The following UBE2D3 variants were observed in gnomAD, a reference collection of about 807,000 sequenced individuals.
The protein encoded by UBE2D3 is ubiquitin conjugating enzyme E2 D3, also known as ubiquitin-conjugating enzyme E2 D3.
UBE2D3 carries 2 observed loss-of-function variants against 22.8 expected under a neutral mutation model. That is an observed-to-expected ratio of 0.09 (90% CI 0.04 to 0.28). UBE2D3 has a LOEUF of 0.28. Among genes scored for constraint, UBE2D3 ranks in the 10% least tolerant of loss-of-function variants. The pLI is 1.00. For synonymous variants in UBE2D3, 56 were observed against 60.4 expected (o/e 0.93, Z 0.34); for missense variants, 27 against 182.5 (o/e 0.15, Z 4.91).
intron 1 of UBE2D3, among the ~76,000 whole-genome samples, chr4:102,839,968 G>A (rs568304279): frequency 6.6e-6 from 1 of 152,136 alleles, no homozygotes; most frequent in Non-Finnish European, 1.5e-5. Context: ...GTGGTCAAGC[G>A]ATGTGAATAG....
chr4:102,843,614 A>C (rs1384966856), intron 1 of UBE2D3: 1 of 152,208 alleles, frequency 6.6e-6, no homozygotes, highest in Admixed American at 6.5e-5. Flanking sequence ...AAGAGAAAAA[A>C]GTATGGATGT....
At chr4:102,848,596 G>A (rs1014639364) in intron 1 of UBE2D3, among the ~76,000 whole-genome samples, 2 of 151,396 alleles carry the variant, frequency 1.3e-5, no homozygotes, top group Admixed American at 1.3e-4. Context: ...AGTGAGCCGA[G>A]ATCACACCAT....
intron 7 of UBE2D3, 47 bp from the exon 8 acceptor site, chr4:102,797,507 A>C (rs904537298): frequency 6.9e-7 from 1 of 1,443,116 alleles, no homozygotes; most frequent in Non-Finnish European, 9.6e-7. Flanking sequence ...AAGAATTCCT[A>C]ATACTTTAAA....
chr4:102,851,503 T>C (rs1732346770), intron 1 of UBE2D3, among the ~76,000 whole-genome samples: 1 of 152,206 alleles, frequency 6.6e-6, no homozygotes, highest in Non-Finnish European at 1.5e-5. Flanking sequence ...TTGGAATGCA[T>C]GTGTAATGCA....
chr4:102,813,822 A>G (rs1334268911), intron 2 of UBE2D3, among the ~76,000 whole-genome samples: 2 of 152,024 alleles, frequency 1.3e-5, no homozygotes, highest in Non-Finnish European at 2.9e-5. Context: ...AGAGGCAAAT[A>G]TTTGCCTCTT....
intron 1 of UBE2D3, among the ~76,000 whole-genome samples, chr4:102,850,727 T>G (rs1334730148): frequency 2.0e-5 from 3 of 152,196 alleles, no homozygotes; most frequent in African/African-American, 7.2e-5. Flanking sequence ...ATATAGCTTT[T>G]ATACCACGGA....
At chr4:102,798,924 T>C in intron 7 of UBE2D3, 1 of 1,611,760 alleles carries the variant, frequency 6.2e-7, no homozygotes, top group Non-Finnish European at 8.5e-7. Context: ...GCAGATCCTC[T>C]TACCCTACAA....
chr4:102,867,253 A>G (rs1328784164), intron 1 of UBE2D3, among the ~76,000 whole-genome samples: 1 of 152,236 alleles, frequency 6.6e-6, no homozygotes, highest in East Asian at 1.9e-4. Flanking sequence ...AGAGAATGAA[A>G]GATTGCTTTA....
intron 2 of UBE2D3, chr4:102,810,536 C>G (rs997183355): frequency 6.6e-6 from 1 of 151,918 alleles, no homozygotes; most frequent in Non-Finnish European, 1.5e-5. Flanking sequence ...GCCACCATGC[C>G]AGGCTAATTT....
intron 1 of UBE2D3, among the ~76,000 whole-genome samples, chr4:102,832,668 T>A (rs956245377): frequency 1.3e-5 from 2 of 150,620 alleles, no homozygotes; most frequent in African/African-American, 4.9e-5. Flanking sequence ...TAAAAAATAT[T>A]TGGGGGCGGG....
chr4:102,860,885 G>A (rs548084073), intron 1 of UBE2D3, among the ~76,000 whole-genome samples: 8 of 152,056 alleles, frequency 5.3e-5, no homozygotes, highest in Admixed American at 2.0e-4. Flanking sequence ...TGCAGGTGAA[G>A]TGTCCTGTAG....
rs1314255725 is a variant in UBE2D3, at chr4:102,796,802, G to C, written c.*613C>G. On this transcript the variant is annotated 3_prime_UTR_variant, in exon 8 of 8. Transcript: ENST00000453744. ...CTATTTTGGAATACAAAGGGTGTTT[G>C]ACTTCCAATTTCCATTCTCTGTAGA... is the stretch of plus-strand genomic sequence containing the variant. 1.3e-5 allele frequency: 2 copies of C among 152,400 alleles called. No homozygotes were observed. The highest frequency in any genetic ancestry group is 4.8e-5 in the African/African-American group (2 of 41,424). 9.4% of individuals were successfully genotyped at this position (152,400 alleles called of 1,614,324 possible). A position where few individuals can be genotyped will look rare whatever the true frequency, so the allele number is the denominator to read the frequency against.
intron 2 of UBE2D3, among the ~76,000 whole-genome samples, chr4:102,818,151 A>G (rs1729044901): frequency 6.6e-6 from 1 of 152,230 alleles, no homozygotes; most frequent in African/African-American, 2.4e-5. Context: ...GGTTGGGGAC[A>G]CTGACTTACT....
At chr4:102,862,033 T>C (rs1732924233) in intron 1 of UBE2D3, among the ~76,000 whole-genome samples, 1 of 152,012 alleles carries the variant, frequency 6.6e-6, no homozygotes, top group African/African-American at 2.4e-5. Flanking sequence ...TCCTCCCACC[T>C]TGGCTATATA....
intron 1 of UBE2D3, chr4:102,868,708 G>C (rs1316396643): frequency 6.2e-7 from 1 of 1,613,978 alleles, no homozygotes; most frequent in Non-Finnish European, 8.5e-7. Flanking sequence ...GACAGCAAGA[G>C]ACTCACTTTT....
intron 2 of UBE2D3, among the ~76,000 whole-genome samples, chr4:102,819,916 C>T (rs1437911444): frequency 6.6e-6 from 1 of 152,190 alleles, no homozygotes; most frequent in Non-Finnish European, 1.5e-5. Context: ...ACAAGATTTA[C>T]ATGACTCAAA....
chr4:102,826,642 G>A lies in UBE2D3; in HGVS notation c.-128-6C>T, dbSNP rs1730548662. 3 of 1,566,878 alleles carry A rather than the reference G, an allele frequency of 1.9e-6. No individual in the cohort carries two copies. Among genetic ancestry groups the A allele is most frequent in the Admixed American group, 1.9e-5 (1 of 52,062 alleles). ...GCTCTGCCAGACACAGGCGCCTTTTGCAAAAACGGAGCAGATCAGCACTCG... is the reference window on the plus strand; with the variant it reads ...GCTCTGCCAGACACAGGCGCCTTTTACAAAAACGGAGCAGATCAGCACTCG... On this transcript the variant is annotated splice_region_variant and splice_polypyrimidine_tract_variant and intron_variant, in intron 1 of 7. Transcript: ENST00000453744.
chr4:102,827,738 C>G (rs1025565724), upstream of UBE2D3: 1 of 985,834 alleles, frequency 1.0e-6, no homozygotes, highest in Admixed American at 6.2e-5. Flanking sequence ...ACAGCACCTT[C>G]TTACTAAACA....
At chr4:102,835,450 C>G (rs571327124) in intron 1 of UBE2D3, among the ~76,000 whole-genome samples, 12 of 152,106 alleles carry the variant, frequency 7.9e-5, no homozygotes, top group Non-Finnish European at 1.6e-4. Flanking sequence ...TGGAGGATGA[C>G]TATAATATGA....
Sources: allele counts gnomAD v4.1 joint callset (sites outside exome capture counted in the v4.1 genomes callset), GRCh38; gene constraint gnomAD v4.1.1; transcripts MANE v1.5; gene names NCBI Gene and HGNC (gene_info 2026-07-23, HGNC 2026-07-21).